Variants in UNC5C observed in about 807,000 individuals in gnomAD.
The protein encoded by UNC5C is netrin receptor UNC5C.
UNC5C carries 47 observed loss-of-function variants against 99.8 expected under a neutral mutation model. The observed-to-expected ratio is 0.47, with a 90% CI of 0.37 to 0.60. The LOEUF (loss-of-function observed/expected upper bound fraction) is 0.60, where lower values mean the gene tolerates loss of function less well. UNC5C is among the 20% of genes least tolerant of loss of function. UNC5C has a pLI of 0.00. For synonymous variants in UNC5C, 487 were observed against 452.2 expected, an observed-to-expected ratio of 1.08 and a Z score of -0.98; for missense variants, 1,062 against 1,165.9, an observed-to-expected ratio of 0.91 and a Z score of 1.30.
At position 95,257,165 on chromosome 4, in the gene UNC5C, C is replaced by T. The variant is rs561151947; in HGVS notation, c.595-6498G>A. ...ACCTCATCTCAAACCCTCCTAATGGCTCCTTCTCTTACTCAGTGTCAGCGC... is the reference window on the plus strand; with the variant it reads ...ACCTCATCTCAAACCCTCCTAATGGTTCCTTCTCTTACTCAGTGTCAGCGC... On this transcript the variant is annotated intron_variant, in intron 4 of 15. Transcript: ENST00000453304. Among the ~76,000 whole-genome samples, 6 of 152,248 alleles carry T rather than the reference C, an allele frequency of 3.9e-5. No homozygotes were observed. The South Asian group carries it at 8.3e-4, about 21-fold the overall frequency.
rs371372148 is a variant in UNC5C, at chr4:95,167,987, C to A, written c.*1247G>T. 1 of 152,116 alleles carries A rather than the reference C, an allele frequency of 6.6e-6. No individual in the cohort carries two copies. The highest frequency in any genetic ancestry group is 2.4e-5 in the African/African-American group (1 of 41,418). 9.4% of individuals were successfully genotyped at this position (152,116 alleles called of 1,614,324 possible). On this transcript the variant is annotated 3_prime_UTR_variant, in exon 16 of 16. Transcript: ENST00000453304. Reference sequence around the variant, plus strand: ...TGGTTAAATGACTTTCTCAAGGTGGCGCAACAAGACAGTGACAGACCCACA... The same window carrying A: ...TGGTTAAATGACTTTCTCAAGGTGGAGCAACAAGACAGTGACAGACCCACA...
chr4:95,477,382 A>G (rs1398976452), intron 1 of UNC5C, among the ~76,000 whole-genome samples: 1 of 152,092 alleles, frequency 6.6e-6, no homozygotes, highest in Admixed American at 6.6e-5. Context: ...CAAAGGCTCA[A>G]GTAATAATAA....
At chr4:95,250,126 G>A (rs1301799734) in intron 5 of UNC5C, among the ~76,000 whole-genome samples, 1 of 152,150 alleles carries the variant, frequency 6.6e-6, no homozygotes, top group Non-Finnish European at 1.5e-5. Context: ...AAGGGCTGAG[G>A]TTGTCTGAGC....
intron 14 of UNC5C, among the ~76,000 whole-genome samples, chr4:95,178,412 GT>G (rs1227529479): frequency 1.3e-5 from 2 of 152,128 alleles, no homozygotes; most frequent in African/African-American, 4.8e-5. Context: ...ACTCTGCTCT[GT>G]GCACATTGGC....
At chr4:95,237,584 A>T (rs905083706) in intron 7 of UNC5C, among the ~76,000 whole-genome samples, 1 of 152,160 alleles carries the variant, frequency 6.6e-6, no homozygotes, top group African/African-American at 2.4e-5. Flanking sequence ...TTAATTTTTC[A>T]GTTGAAATTA....
intron 6 of UNC5C, among the ~76,000 whole-genome samples, chr4:95,244,270 A>T (rs1739423793): frequency 6.6e-6 from 1 of 152,220 alleles, no homozygotes; most frequent in Non-Finnish European, 1.5e-5. Flanking sequence ...GGCATTTTAA[A>T]GGGTTTTGTT....
rs72887761 is a variant in UNC5C, at chr4:95,286,660, G to T, written c.491-8298C>A. Among the ~76,000 whole-genome samples, 836 of 152,268 alleles carry T rather than the reference G, an allele frequency of 5.5e-3. 6 individuals carry two copies. The highest frequency in any genetic ancestry group is 0.019 in the African/African-American group (787 of 41,552). On this transcript the variant is annotated intron_variant, in intron 3 of 15. Transcript: ENST00000453304. ...ACAAATGGGAGAAAGCTAGGCATAAGATTTTTTTTCTTGAAACATGACACC... is the reference window on the plus strand; with the variant it reads ...ACAAATGGGAGAAAGCTAGGCATAATATTTTTTTTCTTGAAACATGACACC...
intron 1 of UNC5C, among the ~76,000 whole-genome samples, chr4:95,406,564 A>C (rs1745837227): frequency 6.6e-6 from 1 of 152,190 alleles, no homozygotes; most frequent in African/African-American, 2.4e-5. Context: ...TCACAGTCCA[A>C]ATTTATCAGT....
chr4:95,475,750 T>C (rs1191262933), intron 1 of UNC5C, among the ~76,000 whole-genome samples: 3 of 152,118 alleles, frequency 2.0e-5, no homozygotes, highest in Admixed American at 1.3e-4. Context: ...AAACATCACA[T>C]GTCAGCTTTT....
chr4:95,506,160 G>A (rs990473037), intron 1 of UNC5C, among the ~76,000 whole-genome samples: 2 of 151,580 alleles, frequency 1.3e-5, no homozygotes, highest in Admixed American at 6.6e-5. Flanking sequence ...TACTTTCTCA[G>A]GAAATGTAGA....
intron 1 of UNC5C, among the ~76,000 whole-genome samples, chr4:95,360,550 G>A (rs899144490): frequency 6.6e-6 from 1 of 152,196 alleles, no homozygotes; most frequent in African/African-American, 2.4e-5. Context: ...CAACTGTAAT[G>A]TTTAGCCACC....
intron 1 of UNC5C, among the ~76,000 whole-genome samples, chr4:95,411,226 T>A (rs965924323): frequency 2.0e-5 from 3 of 152,176 alleles, no homozygotes; most frequent in Admixed American, 2.0e-4. Context: ...TATACTATCA[T>A]AACTTTCTGC....
intron 14 of UNC5C, among the ~76,000 whole-genome samples, chr4:95,180,192 A>G (rs760099942): frequency 6.6e-5 from 10 of 152,326 alleles, no homozygotes; most frequent in Non-Finnish European, 1.3e-4. Context: ...ATAATATTCT[A>G]TACCAATTTA....
chr4:95,533,008 C>T (rs1451867574), intron 1 of UNC5C, among the ~76,000 whole-genome samples: 2 of 151,592 alleles, frequency 1.3e-5, no homozygotes, highest in Admixed American at 6.6e-5. Flanking sequence ...TGAGAAAGGA[C>T]AGGAAGCAGG....
At chr4:95,232,405 C>T (rs1016129953) in intron 7 of UNC5C, among the ~76,000 whole-genome samples, 5 of 152,020 alleles carry the variant, frequency 3.3e-5, no homozygotes, top group Non-Finnish European at 7.4e-5. Context: ...AGTAAAGACA[C>T]CTGATAGAAA....
chr4:95,387,908 G>A (rs772891714), intron 1 of UNC5C, among the ~76,000 whole-genome samples: 20 of 152,188 alleles, frequency 1.3e-4, no homozygotes, highest in Non-Finnish European at 2.6e-4. Context: ...AAGGCAGTTA[G>A]GCAGATAAGT....
chr4:95,307,053 G>A (rs1052767128), intron 2 of UNC5C, among the ~76,000 whole-genome samples: 2 of 152,194 alleles, frequency 1.3e-5, no homozygotes, highest in South Asian at 2.1e-4. Context: ...TTAGAAGGAT[G>A]TCATACTATA....
intron 3 of UNC5C, among the ~76,000 whole-genome samples, chr4:95,292,387 A>G (rs982690059): frequency 2.0e-5 from 3 of 151,530 alleles, no homozygotes; most frequent in African/African-American, 7.3e-5. Flanking sequence ...CTCCTGCTTC[A>G]GCCTCCCGGA....
intron 2 of UNC5C, among the ~76,000 whole-genome samples, chr4:95,333,741 T>C (rs1743219780): frequency 1.3e-5 from 2 of 151,974 alleles, no homozygotes; most frequent in African/African-American, 4.8e-5. Context: ...AGAATAGTTT[T>C]GTTTCTATTT....
Sources: allele counts gnomAD v4.1 joint callset (sites outside exome capture counted in the v4.1 genomes callset), GRCh38; gene constraint gnomAD v4.1.1; transcripts MANE v1.5; gene names NCBI Gene and HGNC (gene_info 2026-07-23, HGNC 2026-07-21).